The following SV2C variants were observed in gnomAD, a reference collection of about 807,000 sequenced individuals.
The protein encoded by SV2C is solute carrier family 22 member B3.
SV2C carries 49 observed loss-of-function variants against 79.7 expected under a neutral mutation model. The observed-to-expected ratio is 0.61, with a 90% confidence interval of 0.49 to 0.78. The LOEUF is 0.78. SV2C is among the 30% of genes least tolerant of loss of function. The pLI is 0.00. For missense variants in SV2C, 833 were observed against 912.9 expected, an observed-to-expected ratio of 0.91 and a Z score of 1.13; for synonymous variants, 334 against 333.2, an observed-to-expected ratio of 1.00 and a Z score of -0.03.
At chr5:75,899,520 T>A in the SV2C span, among the ~76,000 whole-genome samples, 1 of 152,046 alleles carries the variant, frequency 6.6e-6, no homozygotes, top group East Asian at 1.9e-4. Flanking sequence ...TGTGGTGTGG[T>A]GCTGAAAAAA....
chr5:76,062,614 G>A, the SV2C span, among the ~76,000 whole-genome samples: 6 of 149,352 alleles, frequency 4.0e-5, no homozygotes, highest in Non-Finnish European at 7.5e-5. Context: ...TCAGGGTTTG[G>A]TTGTGTCTGA....
At chr5:76,336,606 G>A (rs1020206257), downstream of SV2C, among the ~76,000 whole-genome samples, 3 of 152,170 alleles carry the variant, frequency 2.0e-5, no homozygotes, top group Non-Finnish European at 4.4e-5. Context: ...GGGCACCACC[G>A]AGCACCAAGT....
At chr5:76,299,757 T>TA (rs1054690182) in intron 10 of SV2C, among the ~76,000 whole-genome samples, 3 of 152,232 alleles carry the variant, frequency 2.0e-5, no homozygotes, top group African/African-American at 7.2e-5. Flanking sequence ...CAATGCTATC[T>TA]ACCTGTCTTC....
At chr5:75,962,011 C>G in the SV2C span, among the ~76,000 whole-genome samples, 71 of 152,110 alleles carry the variant, frequency 4.7e-4, 1 homozygote, top group Non-Finnish European at 1.2e-4. Context: ...GCTCTGAACA[C>G]CTGTTCCTCT....
chr5:76,183,495 G>A (rs1385244082), intron 2 of SV2C, among the ~76,000 whole-genome samples: 1 of 152,022 alleles, frequency 6.6e-6, no homozygotes, highest in Non-Finnish European at 1.5e-5. Context: ...AATATCCAAA[G>A]TATATCACCA....
chr5:75,853,882 A>G, the SV2C span, among the ~76,000 whole-genome samples: 1 of 151,460 alleles, frequency 6.6e-6, no homozygotes, highest in East Asian at 1.9e-4. Flanking sequence ...GTAAAATGTA[A>G]ATAAAATAAA....
chr5:76,320,919 C>T (rs755356936), intron 12 of SV2C, among the ~76,000 whole-genome samples: 1 of 152,178 alleles, frequency 6.6e-6, no homozygotes, highest in African/African-American at 2.4e-5. Flanking sequence ...ACTTCAGGAG[C>T]CTGCATACTC....
intron 2 of SV2C, among the ~76,000 whole-genome samples, chr5:76,144,958 G>A (rs1299208072): frequency 6.6e-6 from 1 of 152,192 alleles, no homozygotes; most frequent in East Asian, 1.9e-4. Context: ...TAATAGAATT[G>A]GAGAGAATGG....
the SV2C span, among the ~76,000 whole-genome samples, chr5:76,072,700 T>C: frequency 6.6e-6 from 1 of 152,314 alleles, no homozygotes; most frequent in Non-Finnish European, 1.5e-5. Context: ...TCCATAGTGA[T>C]TGTACTAGTT....
intron 1 of SV2C, among the ~76,000 whole-genome samples, chr5:76,089,730 G>A (rs898247893): frequency 3.9e-5 from 6 of 152,198 alleles, no homozygotes; most frequent in African/African-American, 1.4e-4. Context: ...TCTGACTGGT[G>A]TGAGAAGGTA....
intron 12 of SV2C, among the ~76,000 whole-genome samples, chr5:76,315,485 C>T (rs573585838): frequency 4.2e-4 from 64 of 152,172 alleles, no homozygotes; most frequent in Admixed American, 1.0e-3. Flanking sequence ...GTATCTGTAC[C>T]GGTCCTGAGA....
At chr5:76,253,721 A>AAG (rs1485040763) in intron 4 of SV2C, among the ~76,000 whole-genome samples, 1 of 151,684 alleles carries the variant, frequency 6.6e-6, no homozygotes, top group Non-Finnish European at 1.5e-5. Context: ...AAAAAAAAAA[A>AAG]AAAAATCTCA....
intron 12 of SV2C, among the ~76,000 whole-genome samples, chr5:76,348,277 T>G (rs1016951663): frequency 6.6e-6 from 1 of 152,202 alleles, no homozygotes; most frequent in African/African-American, 2.4e-5. Flanking sequence ...CTCATTTCTT[T>G]TTAGCACTGA....
chr5:76,052,787 G>A, the SV2C span, among the ~76,000 whole-genome samples: 6 of 152,050 alleles, frequency 3.9e-5, no homozygotes, highest in Non-Finnish European at 7.4e-5. Flanking sequence ...AAGCAACTCT[G>A]AAAACTAGCT....
intron 4 of SV2C, among the ~76,000 whole-genome samples, chr5:76,227,185 A>G (rs923564524): frequency 1.1e-4 from 17 of 152,196 alleles, no homozygotes; most frequent in Admixed American, 2.0e-4. Context: ...TAAAAGCCAA[A>G]CTGCATGACG....
At chr5:76,290,154 G>A (rs182801760) in intron 6 of SV2C, among the ~76,000 whole-genome samples, 63 of 152,278 alleles carry the variant, frequency 4.1e-4, no homozygotes, top group African/African-American at 1.3e-3. Context: ...ATTTTGAGCC[G>A]ATTGCATTTG....
Position 76,275,183 on chromosome 5 carries a change from C to T in SV2C, c.914-9979C>T, listed in dbSNP as rs538366703. On this transcript the variant is annotated intron_variant, in intron 4 of 12. Transcript: ENST00000502798. ...TATTTCATTAATAATATCACATAAC[C>T]GACAGTCAAATACAGATCAGTAGGC... Among the ~76,000 whole-genome samples, 433 of 152,202 alleles carry T rather than the reference C, an allele frequency of 2.8e-3. 2 individuals are homozygous for T. The highest frequency in any genetic ancestry group is 0.01 in the African/African-American group (416 of 41,536).
At chr5:76,174,604 T>G (rs67940529) in intron 2 of SV2C, among the ~76,000 whole-genome samples, 1 of 152,180 alleles carries the variant, frequency 6.6e-6, no homozygotes, top group African/African-American at 2.4e-5. Flanking sequence ...AAGGCCCAGA[T>G]AGTGAATACG....
chr5:75,984,581 ATC>A, the SV2C span, among the ~76,000 whole-genome samples: 5 of 111,180 alleles, frequency 4.5e-5, no homozygotes, highest in African/African-American at 1.3e-4. Flanking sequence ...CTATCTATCT[ATC>A]TATCTATCTA....
Sources: allele counts gnomAD v4.1 joint callset (sites outside exome capture counted in the v4.1 genomes callset), GRCh38; gene constraint gnomAD v4.1.1; transcripts MANE v1.5; gene names NCBI Gene and HGNC (gene_info 2026-07-23, HGNC 2026-07-21).